The following CALU variants were observed in gnomAD, a reference collection of about 807,000 sequenced individuals.
CALU encodes calumenin, also known as IEF SSP 9302.
CALU carries 13 observed loss-of-function variants against 37.5 expected under a neutral mutation model. The observed-to-expected ratio is 0.35, with a 90% CI of 0.23 to 0.55. The LOEUF is 0.55. Ranked by LOEUF, CALU falls within the 20% of genes least tolerant of loss-of-function variation. The probability of loss-of-function intolerance (pLI) is 0.89; values close to 1 mark genes in which losing one functional copy is unlikely to be tolerated. For synonymous variants in CALU, 114 were observed against 133.8 expected (o/e 0.85, Z 1.02); for missense variants, 282 against 391.7 (o/e 0.72, Z 2.36).
At chr7:128,740,355 T>C (rs543658929) in intron 1 of CALU, among the ~76,000 whole-genome samples, 1 of 152,346 alleles carries the variant, frequency 6.6e-6, no homozygotes, top group African/African-American at 2.4e-5. Context: ...GAAGTCAACG[T>C]TAATGAATTG....
intron 2 of CALU, among the ~76,000 whole-genome samples, chr7:128,753,323 C>T (rs1294942409): frequency 1.3e-5 from 2 of 152,236 alleles, no homozygotes; most frequent in Non-Finnish European, 2.9e-5. Context: ...ATATTCCAAA[C>T]TGGGCTGCTT....
Position 128,772,092 on chromosome 7 carries a change from C to A in CALU, c.*2925C>A. Among the ~76,000 whole-genome samples the A allele has an allele frequency of 8.1e-6, 1 of 123,498 alleles. No homozygotes were observed. The highest frequency in any genetic ancestry group is 1.7e-5 in the Non-Finnish European group (1 of 58,760). 81.0% of individuals were successfully genotyped at this position (123,498 alleles called of 152,430 possible). On this transcript the variant is annotated 3_prime_UTR_variant, in exon 7 of 7. Transcript: ENST00000249364. The stretch of plus-strand genomic sequence containing the variant: ...TTTTTTTTGTTTTGTTTTGTTTTTT[C>A]TTTATGTCTCTCCCATTTCTAAAGT...
In CALU at chr7:128,770,135, T is replaced by C. The variant is rs1203533956; in HGVS notation, c.*968T>C. 6.6e-6 allele frequency: 1 copy of C among 152,628 alleles called. No individual in the cohort carries two copies. The highest frequency in any genetic ancestry group is 1.5e-5 in the Non-Finnish European group (1 of 68,040). The allele number at this position is 152,628 out of a possible 1,614,324, so 9.5% of individuals were successfully genotyped here. ...TAAAATTCACTCCTTTCCAATCATG[T>C]CATTGAAAGTGCCTTTAACGAAAGA... On this transcript the variant is annotated 3_prime_UTR_variant, in exon 7 of 7. Transcript: ENST00000249364.
chr7:128,771,296 T>G lies in CALU; in HGVS notation c.*2129T>G, dbSNP rs888419758. 1 of 152,646 alleles carries G rather than the reference T, an allele frequency of 6.6e-6. No individual in the cohort carries two copies. The highest frequency in any genetic ancestry group is 1.5e-5 in the Non-Finnish European group (1 of 68,040). The allele number at this position is 152,646 out of a possible 1,614,324, so 9.5% of individuals were successfully genotyped here. On this transcript the variant is annotated 3_prime_UTR_variant, in exon 7 of 7. Coordinates refer to ENST00000249364, the MANE Select transcript of CALU (RefSeq NM_001219.5). ...CCTTTGAAATTTTTTTTTTGTTTGTTTGTTTAAATCAAGCCTGAGGCTGGT... is the reference window on the plus strand; with the variant it reads ...CCTTTGAAATTTTTTTTTTGTTTGTGTGTTTAAATCAAGCCTGAGGCTGGT...
intron 2 of CALU, among the ~76,000 whole-genome samples, chr7:128,749,575 T>G (rs1157856872): frequency 6.6e-6 from 1 of 152,204 alleles, no homozygotes; most frequent in Non-Finnish European, 1.5e-5. Flanking sequence ...ACTTCCTGAT[T>G]GTATTCAAGA....
intron 2 of CALU, among the ~76,000 whole-genome samples, chr7:128,750,976 G>A (rs1308086054): frequency 6.6e-6 from 1 of 152,140 alleles, no homozygotes; most frequent in African/African-American, 2.4e-5. Context: ...TTTGTTTTGA[G>A]GTAGTGGTTC....
intron 1 of CALU, 120 bp from the exon 2 acceptor site, chr7:128,748,453 A>G (rs1800529903): frequency 8.4e-7 from 1 of 1,187,254 alleles, no homozygotes; most frequent in Non-Finnish European, 1.2e-6. Context: ...GGATAATATA[A>G]AAGACTTGCA....
chr7:128,748,778 A>G lies in CALU; in HGVS notation c.195A>G (p.Thr65=), dbSNP rs778336574. ...AAGCAAAGACCTTTGATCAGCTGACACCAGAAGAGAGCAAGGAAAGGCTTG... is the reference window on the plus strand; with the variant it reads ...AAGCAAAGACCTTTGATCAGCTGACGCCAGAAGAGAGCAAGGAAAGGCTTG... ...AEEAKTFDQL[T]PEESKERLGK... is the part of the protein sequence containing the mutation. The change falls in exon 2 of 7, where the codon ACA becomes ACG. Residue 65 remains threonine (T), a synonymous_variant. Transcript: ENST00000249364. The G allele has an allele frequency of 3.1e-6, 5 of 1,614,104 alleles. No individual in the cohort carries two copies. The highest frequency in any genetic ancestry group is 4.2e-6 in the Non-Finnish European group (5 of 1,179,934).
intron 6 of CALU, among the ~76,000 whole-genome samples, 200 bp from the exon 7 acceptor site, chr7:128,768,863 A>AAAAAAAAAAAAAAAAAAAAAAAC (rs1554368156): frequency 3.4e-5 from 5 of 147,932 alleles, no homozygotes; most frequent in African/African-American, 1.3e-4. Context: ...AAAAAAAAAA[A>AAAAAAAAAAAAAAAAAAAAAAAC]AAAAACAAGG....
intron 1 of CALU, chr7:128,747,461 T>G (rs1800491737): frequency 6.6e-6 from 1 of 150,572 alleles, no homozygotes; most frequent in African/African-American, 2.4e-5. Context: ...CATTATCTCC[T>G]TAGGTACTTT....
chr7:128,765,098 T>C (rs1193708140), intron 5 of CALU, among the ~76,000 whole-genome samples: 1 of 152,102 alleles, frequency 6.6e-6, no homozygotes, highest in South Asian at 2.1e-4. Flanking sequence ...ATTATTCTTA[T>C]AGACATGGGT....
intron 5 of CALU, among the ~76,000 whole-genome samples, chr7:128,761,977 G>A (rs1450437731): frequency 6.6e-6 from 1 of 151,712 alleles, no homozygotes; most frequent in African/African-American, 2.4e-5. Context: ...TAGGTTCAGT[G>A]GCATACTTTG....
intron 5 of CALU, among the ~76,000 whole-genome samples, chr7:128,765,061 CA>C (rs1369408901): frequency 1.3e-5 from 2 of 152,010 alleles, no homozygotes; most frequent in African/African-American, 4.8e-5. Flanking sequence ...AGAAGAGCAC[CA>C]CCACACCCAG....
At chr7:128,760,919 C>CA (rs910602817) in intron 5 of CALU, among the ~76,000 whole-genome samples, 26 of 151,114 alleles carry the variant, frequency 1.7e-4, no homozygotes, top group Non-Finnish European at 3.3e-4. Flanking sequence ...AACAAACAAA[C>CA]AAAAAAAAGA....
chr7:128,761,679 T>C (rs899348681), intron 5 of CALU: 1 of 152,224 alleles, frequency 6.6e-6, no homozygotes, highest in Non-Finnish European at 1.5e-5. Flanking sequence ...TAGAAAGATA[T>C]TAGATATTTT....
intron 5 of CALU, among the ~76,000 whole-genome samples, chr7:128,764,349 C>G (rs909099352): frequency 6.6e-6 from 1 of 152,124 alleles, no homozygotes; most frequent in Non-Finnish European, 1.5e-5. Context: ...TCACTTGAGC[C>G]TGAGGGTTTG....
chr7:128,740,620 G>A (rs1377608483), intron 1 of CALU, among the ~76,000 whole-genome samples: 1 of 129,702 alleles, frequency 7.7e-6, no homozygotes, highest in Admixed American at 9.0e-5. Context: ...AAATGAGTTT[G>A]CCAAGACCTA....
At chr7:128,748,419 AT>A in intron 1 of CALU, 153 bp from the exon 2 acceptor site, 1 of 1,315,218 alleles carries the variant, frequency 7.6e-7, no homozygotes, top group South Asian at 1.4e-5. Flanking sequence ...CACCATACTT[AT>A]TTTATGGATG....
In CALU at chr7:128,771,126, G is replaced by A. The variant is rs1257508405; in HGVS notation, c.*1959G>A. 2 of 152,450 alleles carry A rather than the reference G, an allele frequency of 1.3e-5. No homozygotes were observed. The highest frequency in any genetic ancestry group is 2.1e-4 in the South Asian group (1 of 4,832). 9.4% of individuals were successfully genotyped at this position (152,450 alleles called of 1,614,324 possible). A position where few individuals can be genotyped will look rare whatever the true frequency, so the allele number is the denominator to read the frequency against. ...ATGCCACCAACTCTGGCTTAGTTAA[G>A]TGAGAGTGTGAACTGTGTGGCAAGA... On this transcript the variant is annotated 3_prime_UTR_variant, in exon 7 of 7. Coordinates refer to ENST00000249364, the MANE Select transcript of CALU (RefSeq NM_001219.5).
Sources: allele counts gnomAD v4.1 joint callset (sites outside exome capture counted in the v4.1 genomes callset), GRCh38; gene constraint gnomAD v4.1.1; transcripts MANE v1.5; gene names NCBI Gene and HGNC (gene_info 2026-07-23, HGNC 2026-07-21).